The following NRG4 variants were observed in gnomAD, a reference collection of about 807,000 sequenced individuals.
The protein encoded by NRG4 is pro-neuregulin-4, membrane-bound isoform.
A neutral mutation model predicts 15.0 loss-of-function variants in NRG4; 10 were observed. The ratio of observed to expected loss-of-function variants is 0.67; its 90% CI spans 0.41 to 1.13. The LOEUF (loss-of-function observed/expected upper bound fraction) is 1.13. NRG4 is among the 50% of genes most tolerant of loss of function. The probability of loss-of-function intolerance (pLI) is 0.00; values close to 1 mark genes in which losing one functional copy is unlikely to be tolerated. For synonymous variants in NRG4, 41 were observed against 50.1 expected (o/e 0.82, Z 0.77); for missense variants, 139 against 140.2 (o/e 0.99, Z 0.04).
chr15:75,997,482 G>A (rs1029439504), intron 3 of NRG4, among the ~76,000 whole-genome samples: 2 of 151,744 alleles, frequency 1.3e-5, no homozygotes, highest in Non-Finnish European at 2.9e-5. Context: ...AAAATTCAAA[G>A]ACAAGAGAAT....
intron 5 of NRG4, among the ~76,000 whole-genome samples, chr15:76,034,996 G>C (rs1481837720): frequency 6.6e-6 from 1 of 152,118 alleles, no homozygotes; most frequent in African/African-American, 2.4e-5. Context: ...CATTTCCACA[G>C]AGCCAGCCTG....
At chr15:76,005,679 G>GAAAAAAAAAAAAAAAA (rs776504828) in intron 3 of NRG4, 1 of 140,862 alleles carries the variant, frequency 7.1e-6, no homozygotes, top group Non-Finnish European at 1.4e-5. Flanking sequence ...CTCTGTCTCA[G>GAAAAAAAAAAAAAAAA]AAAAAAAAAA....
At chr15:75,938,249 G>C (rs2030573713), downstream of NRG4, 1 of 152,016 alleles carries the variant, frequency 6.6e-6, no homozygotes, top group African/African-American at 2.4e-5. Flanking sequence ...AAATAATTTG[G>C]AAAACTCTCA....
intron 3 of NRG4, 128 bp from the exon 4 acceptor site, chr15:75,962,102 C>G: frequency 3.3e-6 from 2 of 607,722 alleles, no homozygotes; most frequent in Non-Finnish European, 5.6e-6. Flanking sequence ...ATGGAGTAGA[C>G]AGGTTTTCCT....
intron 5 of NRG4, among the ~76,000 whole-genome samples, chr15:76,022,449 C>A (rs1396446629): frequency 6.6e-6 from 1 of 151,236 alleles, no homozygotes; most frequent in Non-Finnish European, 1.5e-5. Context: ...CACACACACA[C>A]ACACACAATG....
rs1249302344 is a variant in NRG4 at position 75,941,487 on chromosome 15, AG to A, written c.*2150del. 2.6e-5 allele frequency: 4 copies of A among 152,200 alleles called. No individual in the cohort carries two copies. The highest frequency in any genetic ancestry group is 6.5e-5 in the Admixed American group (1 of 15,288). The allele number at this position is 152,200 out of a possible 1,614,324, so 9.4% of individuals were successfully genotyped here. ...ATATTTGTATACCAGTGTTCACTGC[AG>A]CATTATTCACCGTAGTCAAAAGGTA... On this transcript the variant is annotated 3_prime_UTR_variant, in exon 6 of 6. Coordinates refer to ENST00000394907, the MANE Select transcript of NRG4 (RefSeq NM_138573.4).
At chr15:75,991,347 A>G (rs544057280) in intron 3 of NRG4, among the ~76,000 whole-genome samples, 5 of 152,310 alleles carry the variant, frequency 3.3e-5, no homozygotes, top group African/African-American at 9.6e-5. Context: ...ATGTCAAAAT[A>G]TTTTTTAAAA....
intron 4 of NRG4, 144 bp downstream of exon 4, chr15:75,961,684 T>A: frequency 1.7e-6 from 1 of 593,206 alleles, no homozygotes; most frequent in East Asian, 2.8e-5. Flanking sequence ...AAAATGAAAT[T>A]AGTAACAAAA....
At chr15:76,005,679 G>GAGAA in intron 3 of NRG4, 1 of 148,536 alleles carries the variant, frequency 6.7e-6, no homozygotes, top group South Asian at 5.1e-5. Context: ...CTCTGTCTCA[G>GAGAA]AAAAAAAAAA....
intron 5 of NRG4, among the ~76,000 whole-genome samples, chr15:75,953,453 G>A (rs2032034093): frequency 6.6e-6 from 1 of 152,148 alleles, no homozygotes; most frequent in Admixed American, 6.5e-5. Flanking sequence ...GGAAGTGTGA[G>A]TCTCCTAACT....
intron 1 of NRG4, among the ~76,000 whole-genome samples, chr15:76,057,754 T>C (rs1302031864): frequency 6.6e-6 from 1 of 151,924 alleles, no homozygotes; most frequent in African/African-American, 2.4e-5. Flanking sequence ...CCCAGAACAC[T>C]TAAGACACAC....
chr15:76,016,910 A>G (rs1187908298), upstream of NRG4, among the ~76,000 whole-genome samples: 1 of 152,014 alleles, frequency 6.6e-6, no homozygotes, highest in Non-Finnish European at 1.5e-5. Context: ...TGTTGATCTA[A>G]TATGAACAGT....
chr15:76,041,536 TATATC>T (rs1270827764), intron 4 of NRG4, among the ~76,000 whole-genome samples: 2 of 152,152 alleles, frequency 1.3e-5, no homozygotes, highest in African/African-American at 2.4e-5. Context: ...GTGCTATACT[TATATC>T]AGACAAAATA....
At chr15:75,988,601 C>A (rs2033888965) in intron 3 of NRG4, among the ~76,000 whole-genome samples, 1 of 152,152 alleles carries the variant, frequency 6.6e-6, no homozygotes, top group African/African-American at 2.4e-5. Context: ...ACACATAGGT[C>A]TTTGCTGAAT....
chr15:75,971,102 T>C (rs918711640), intron 3 of NRG4: 2 of 307,270 alleles, frequency 6.5e-6, no homozygotes, highest in Non-Finnish European at 1.3e-5. Context: ...ATAAAACAGA[T>C]TGCCCTGTGG....
intron 4 of NRG4, among the ~76,000 whole-genome samples, 172 bp from the exon 5 acceptor site, chr15:75,956,183 A>G (rs1233196131): frequency 6.6e-6 from 1 of 152,116 alleles, no homozygotes; most frequent in Non-Finnish European, 1.5e-5. Context: ...TTCCACAACT[A>G]CCTGAAATTG....
chr15:75,936,861 C>CCGTGCCCAG (rs1211813620), downstream of NRG4: 1 of 152,148 alleles, frequency 6.6e-6, no homozygotes, highest in Non-Finnish European at 1.5e-5. Context: ...GCGTGAGCCA[C>CCGTGCCCAG]CGTGCCCAGC....
At chr15:76,024,338 GC>G (rs2035244267) in intron 5 of NRG4, among the ~76,000 whole-genome samples, 2 of 152,144 alleles carry the variant, frequency 1.3e-5, no homozygotes, top group African/African-American at 4.8e-5. Context: ...ATGCACCCAG[GC>G]CACCCAAGAA....
intron 5 of NRG4, among the ~76,000 whole-genome samples, chr15:76,024,865 CCCA>C (rs761231674): frequency 6.6e-6 from 1 of 152,126 alleles, no homozygotes; most frequent in Non-Finnish European, 1.5e-5. Flanking sequence ...CACCCCAAGA[CCCA>C]TCTATATGTA....
Sources: allele counts gnomAD v4.1 joint callset (sites outside exome capture counted in the v4.1 genomes callset), GRCh38; gene constraint gnomAD v4.1.1; transcripts MANE v1.5; gene names NCBI Gene and HGNC (gene_info 2026-07-23, HGNC 2026-07-21).